Variants in NFKB1 observed in about 807,000 individuals in gnomAD.
NFKB1 encodes nuclear factor NF-kappa-B p105 subunit.
In NFKB1, 9 loss-of-function variants were observed where a neutral mutation model predicts 105.1. That is an observed-to-expected ratio of 0.09 (90% CI 0.05 to 0.15). The LOEUF (loss-of-function observed/expected upper bound fraction) is 0.15. NFKB1 is among the 10% of genes least tolerant of loss of function. The pLI is 1.00. For missense variants in NFKB1, 830 were observed against 1,203.7 expected (o/e 0.69, Z 4.59); for synonymous variants, 440 against 442.2 (o/e 1.00, Z 0.06).
intron 1 of NFKB1, among the ~76,000 whole-genome samples, chr4:102,524,317 T>G (rs1307906645): frequency 6.6e-6 from 1 of 152,190 alleles, no homozygotes; most frequent in Non-Finnish European, 1.5e-5. Flanking sequence ...AATGTTTAGC[T>G]GGAGTTGATT....
chr4:102,598,416 T>C (rs564368471), intron 15 of NFKB1, among the ~76,000 whole-genome samples: 2 of 152,306 alleles, frequency 1.3e-5, no homozygotes, highest in African/African-American at 2.4e-5. Flanking sequence ...AGCATCAACA[T>C]AGAGAAATCC....
At chr4:102,579,335 T>C (rs910047308) in intron 8 of NFKB1, among the ~76,000 whole-genome samples, 2 of 152,276 alleles carry the variant, frequency 1.3e-5, no homozygotes, top group Middle Eastern at 3.4e-3. Context: ...TATAAAGATA[T>C]ATGGTTGATA....
At chr4:102,523,452 G>T (rs185591922) in intron 1 of NFKB1, among the ~76,000 whole-genome samples, 1 of 152,268 alleles carries the variant, frequency 6.6e-6, no homozygotes, top group African/African-American at 2.4e-5. Context: ...CACTCACACA[G>T]TGCTCCAGCA....
intron 1 of NFKB1, among the ~76,000 whole-genome samples, chr4:102,504,451 G>A (rs1435509566): frequency 6.6e-6 from 1 of 152,048 alleles, no homozygotes; most frequent in Non-Finnish European, 1.5e-5. Flanking sequence ...TGGTCTGTTG[G>A]TTTTCTGTTT....
chr4:102,514,132 G>A (rs1272538334), intron 1 of NFKB1, among the ~76,000 whole-genome samples: 1 of 151,462 alleles, frequency 6.6e-6, no homozygotes, highest in African/African-American at 2.4e-5. Flanking sequence ...CCGAGATGGC[G>A]CCACTGCACT....
chr4:102,585,825 G>A (rs1356599139), intron 11 of NFKB1, among the ~76,000 whole-genome samples: 3 of 152,160 alleles, frequency 2.0e-5, no homozygotes, highest in Admixed American at 2.0e-4. Context: ...AAACAGAGAA[G>A]GAGAGGGTTC....
At position 102,595,713 on chromosome 4, in the gene NFKB1, G is replaced by A. The variant is rs115462873; in HGVS notation, c.1301-425G>A. Among the ~76,000 whole-genome samples, 994 of 152,326 alleles carry A rather than the reference G, an allele frequency of 6.5e-3. 7 individuals are homozygous for A. The highest frequency in any genetic ancestry group is 0.022 in the African/African-American group (895 of 41,568). On this transcript the variant is annotated intron_variant, in intron 13 of 23. Transcript: ENST00000226574. ...AGATAACATAGTTGAACCTGAAAGA[G>A]GGTGATCAGGAATGGTACACTGGAT... is the stretch of plus-strand genomic sequence containing the variant.
intron 1 of NFKB1, among the ~76,000 whole-genome samples, chr4:102,513,474 A>T (rs1739909566): frequency 6.6e-6 from 1 of 152,236 alleles, no homozygotes; most frequent in Admixed American, 6.5e-5. Flanking sequence ...TATGAATTTC[A>T]GTCAGCTATG....
In NFKB1 at chr4:102,541,163, A is replaced by G. The variant is rs185773402; in HGVS notation, c.258+3207A>G. On this transcript the variant is annotated intron_variant, in intron 5 of 23. Transcript: ENST00000226574. ...CTCACTAGATGCTAATAGGATTCCTATAATTGTGACATCCAAAAAGTCTCC... is the reference window on the plus strand; with the variant it reads ...CTCACTAGATGCTAATAGGATTCCTGTAATTGTGACATCCAAAAAGTCTCC... Among the ~76,000 whole-genome samples the G allele has an allele frequency of 4.2e-3, 647 of 152,314 alleles. 1 individual carries two copies. The highest frequency in any genetic ancestry group is 7.2e-3 in the Non-Finnish European group (488 of 68,022).
intron 5 of NFKB1, 59 bp from the exon 6 acceptor site, chr4:102,566,928 T>A (rs1280050450): frequency 1.3e-6 from 2 of 1,575,932 alleles, no homozygotes; most frequent in Non-Finnish European, 1.7e-6. Context: ...ATCATAAACA[T>A]GTTTCCATGT....
chr4:102,594,294 C>T (rs1050443026), intron 12 of NFKB1, among the ~76,000 whole-genome samples: 1 of 152,160 alleles, frequency 6.6e-6, no homozygotes, highest in Admixed American at 6.5e-5. Context: ...TTCCTGTTTT[C>T]TATATAAAAT....
In NFKB1 at chr4:102,595,133, A is replaced by G. The variant is rs974190824; in HGVS notation, c.1300+152A>G. Reference sequence around the variant, plus strand: ...ACTAAGAAGATACTTTTCCCAAAAGATATTATTTCCTGTGGCTAGTATAAA... The same window carrying G: ...ACTAAGAAGATACTTTTCCCAAAAGGTATTATTTCCTGTGGCTAGTATAAA... On this transcript the variant is annotated intron_variant, in intron 13 of 23. Transcript: ENST00000226574. The G allele has an allele frequency of 5.6e-6, 3 of 535,078 alleles. No homozygotes were observed. The African/African-American group carries it at 5.6e-5, about 10-fold the overall frequency. The allele number at this position is 535,078 out of a possible 1,614,324, so 33.1% of individuals were successfully genotyped here.
intron 23 of NFKB1, among the ~76,000 whole-genome samples, chr4:102,615,018 C>A (rs1728812357): frequency 6.6e-6 from 1 of 152,170 alleles, no homozygotes; most frequent in Non-Finnish European, 1.5e-5. Context: ...GCCGTCATTT[C>A]CTGCCCAAAT....
At position 102,577,026 on chromosome 4, in the gene NFKB1, C is replaced by A. The variant is rs751158419; in HGVS notation, c.558C>A (p.Asp186Glu). ...LAYLQAEGGG[D>E]RQLGDREKEL... ...ATTTGCAAGCAGAAGGTGGAGGGGA[C>A]CGGCAGCTGGGAGGTAAGCATCATT... is the stretch of plus-strand genomic sequence containing the variant. Residue 186 changes from aspartate to glutamate, a missense_variant, in exon 7 of 24, where the codon GAC becomes GAA. Coordinates refer to ENST00000226574, the MANE Select transcript of NFKB1 (RefSeq NM_003998.4). The A allele has an allele frequency of 5.0e-6, 8 of 1,610,004 alleles. No homozygotes were observed. The Admixed American group carries it at 1.4e-4, about 27-fold the overall frequency.
Position 102,617,160 on chromosome 4 carries a change from A to G in NFKB1, c.*566A>G, listed in dbSNP as rs1160873809. On this transcript the variant is annotated 3_prime_UTR_variant, in exon 24 of 24. Coordinates refer to ENST00000226574, the MANE Select transcript of NFKB1 (RefSeq NM_003998.4). ...AACATGGTTACAATCATTGCTGAAA[A>G]TGGTATTTTCCCCCTTTTCTGCATT... The G allele has an allele frequency of 6.6e-6, 1 of 152,384 alleles. No homozygotes were observed. Among genetic ancestry groups the G allele is most frequent in the Admixed American group, 6.6e-5 (1 of 15,258 alleles). 9.4% of individuals were successfully genotyped at this position (152,384 alleles called of 1,614,324 possible). A position where few individuals can be genotyped will look rare whatever the true frequency, so the allele number is the denominator to read the frequency against.
intron 5 of NFKB1, among the ~76,000 whole-genome samples, chr4:102,561,643 C>T (rs1723453749): frequency 6.6e-6 from 1 of 152,130 alleles, no homozygotes; most frequent in South Asian, 2.1e-4. Context: ...CAAGGATTGC[C>T]TGATCGCTCC....
chr4:102,541,777 A>G (rs1178618680), intron 5 of NFKB1, among the ~76,000 whole-genome samples: 1 of 152,186 alleles, frequency 6.6e-6, no homozygotes, highest in African/African-American at 2.4e-5. Context: ...CCACATATTC[A>G]TTAAGTGCAT....
rs904597075 is a variant in NFKB1 at position 102,593,432 on chromosome 4, A to G, written c.1074A>G (p.Glu358=). 6.2e-7 allele frequency: 1 copy of G among 1,612,090 alleles called. No individual in the cohort carries two copies. The highest frequency in any genetic ancestry group is 8.5e-7 in the Non-Finnish European group (1 of 1,178,690). ...CTCTTCCTTTAAATACAGATAAAGA[A>G]GAAGTGCAGAGGAAACGTCAGAAGC... is the stretch of plus-strand genomic sequence containing the variant. ...FLYYPEIKDK[E]EVQRKRQKLM... is the part of the protein sequence containing the mutation. Residue 358 remains glutamate (E), a synonymous_variant, in exon 12 of 24, where the codon GAA becomes GAG. Transcript: ENST00000226574.
chr4:102,513,970 G>A (rs1487925025), intron 1 of NFKB1, among the ~76,000 whole-genome samples: 11 of 151,868 alleles, frequency 7.2e-5, no homozygotes, highest in Admixed American at 3.9e-4. Context: ...TCAGGAGATC[G>A]AGACCATCCT....
Sources: allele counts gnomAD v4.1 joint callset (sites outside exome capture counted in the v4.1 genomes callset), GRCh38; gene constraint gnomAD v4.1.1; transcripts MANE v1.5; gene names NCBI Gene and HGNC (gene_info 2026-07-23, HGNC 2026-07-21).